ERBB4: variants seen among roughly 807,000 people sequenced by gnomAD.
ERBB4 encodes receptor tyrosine-protein kinase erbB-4.
In ERBB4, 42 loss-of-function variants were observed where a neutral mutation model predicts 158.0. The observed-to-expected ratio is 0.27, with a 90% CI of 0.21 to 0.34. ERBB4 has a LOEUF of 0.34. ERBB4 is among the 10% of genes least tolerant of loss of function. ERBB4 has a pLI of 1.00. For missense variants in ERBB4, 1,333 were observed against 1,624.1 expected (o/e 0.82, Z 3.08); for synonymous variants, 583 against 558.7 (o/e 1.04, Z -0.61).
At chr2:212,337,954 A>G (rs1280716184) in intron 1 of ERBB4, among the ~76,000 whole-genome samples, 2 of 152,068 alleles carry the variant, frequency 1.3e-5, no homozygotes, top group Non-Finnish European at 2.9e-5. Flanking sequence ...TTATCTTTCA[A>G]AGCAGACACT....
intron 1 of ERBB4, among the ~76,000 whole-genome samples, chr2:212,311,019 G>A (rs1050839552): frequency 6.6e-6 from 1 of 150,674 alleles, no homozygotes; most frequent in African/African-American, 2.4e-5. Context: ...CACATTTCAA[G>A]TGCTCGATAG....
chr2:212,507,906 C>T (rs923540718), intron 1 of ERBB4, among the ~76,000 whole-genome samples: 4 of 152,074 alleles, frequency 2.6e-5, no homozygotes, highest in Admixed American at 6.6e-5. Flanking sequence ...GCGTAAAATG[C>T]TACAAAACAG....
intron 1 of ERBB4, among the ~76,000 whole-genome samples, chr2:212,386,488 C>T (rs559484995): frequency 2.7e-5 from 4 of 150,162 alleles, no homozygotes; most frequent in Non-Finnish European, 4.4e-5. Context: ...TACATATGAA[C>T]AATTAGAAAG....
intron 20 of ERBB4, among the ~76,000 whole-genome samples, chr2:211,454,661 CA>C (rs1292309854): frequency 1.3e-5 from 2 of 152,230 alleles, no homozygotes; most frequent in East Asian, 1.9e-4. Context: ...AGATGTCAGT[CA>C]GGGGGTTATT....
At chr2:211,539,732 C>G (rs867973846) in intron 20 of ERBB4, among the ~76,000 whole-genome samples, 1 of 151,924 alleles carries the variant, frequency 6.6e-6, no homozygotes. Flanking sequence ...TTTAACCTTT[C>G]CAGTGTGAAT....
intron 1 of ERBB4, among the ~76,000 whole-genome samples, chr2:212,387,871 C>A (rs1014240052): frequency 6.6e-6 from 1 of 152,008 alleles, no homozygotes; most frequent in African/African-American, 2.4e-5. Flanking sequence ...AGATGATTAA[C>A]GGCAAAGATG....
chr2:211,924,526 AT>A (rs939948160), intron 3 of ERBB4, among the ~76,000 whole-genome samples: 11 of 152,088 alleles, frequency 7.2e-5, no homozygotes, highest in African/African-American at 2.4e-4. Context: ...TCTGTATAAT[AT>A]TTTTTTCATC....
intron 1 of ERBB4, among the ~76,000 whole-genome samples, chr2:212,181,482 A>G (rs2081862442): frequency 6.6e-6 from 1 of 151,692 alleles, no homozygotes; most frequent in African/African-American, 2.4e-5. Flanking sequence ...AATAATTTCA[A>G]TATGAAAATT....
chr2:212,432,923 A>G (rs1404744685), intron 1 of ERBB4, among the ~76,000 whole-genome samples: 2 of 152,060 alleles, frequency 1.3e-5, no homozygotes, highest in Non-Finnish European at 2.9e-5. Flanking sequence ...TCGAAGTCTG[A>G]TGATACAGTG....
chr2:211,682,050 T>TCACACACACACA (rs60803024), intron 12 of ERBB4, among the ~76,000 whole-genome samples: 264 of 134,482 alleles, frequency 2.0e-3, no homozygotes, highest in African/African-American at 5.6e-3. Flanking sequence ...TTTATACACA[T>TCACACACACACA]CACACACACA....
chr2:211,619,397 G>T, intron 18 of ERBB4, 122 bp from the exon 19 acceptor site: 2 of 655,144 alleles, frequency 3.1e-6, no homozygotes, highest in Non-Finnish European at 2.7e-6. Flanking sequence ...CCTGTTACAT[G>T]TTACAAGTTA....
At chr2:211,944,871 T>C (rs954132424) in intron 3 of ERBB4, among the ~76,000 whole-genome samples, 2 of 152,070 alleles carry the variant, frequency 1.3e-5, no homozygotes, top group African/African-American at 4.8e-5. Context: ...CCATTAAGAA[T>C]GGAGTTAAAA....
At chr2:211,430,139 A>T (rs938573662) in intron 21 of ERBB4, among the ~76,000 whole-genome samples, 5 of 152,206 alleles carry the variant, frequency 3.3e-5, no homozygotes, top group Non-Finnish European at 7.3e-5. Flanking sequence ...CCCATATGAT[A>T]AATAAGGCAT....
chr2:211,996,356 G>T (rs2082200270), intron 2 of ERBB4, among the ~76,000 whole-genome samples: 1 of 151,316 alleles, frequency 6.6e-6, no homozygotes, highest in African/African-American at 2.4e-5. Flanking sequence ...ATTGATACTA[G>T]AACATGTTTC....
chr2:211,623,916 A>T lies in ERBB4; in HGVS notation c.2202+6T>A, dbSNP rs75619355. 7.4e-6 allele frequency: 12 copies of T among 1,613,866 alleles called. No individual in the cohort carries two copies. Among genetic ancestry groups the T allele is most frequent in the Non-Finnish European group, 1.0e-5 (12 of 1,179,828 alleles). On this transcript the variant is annotated splice_donor_region_variant and intron_variant, in intron 18 of 27. Transcript: ENST00000342788. Reference sequence around the variant, plus strand: ...TAACTAACGATATGCGTTGTTTTTTACTTACTTTATAAACCGTTCCAAAAG... The same window carrying T: ...TAACTAACGATATGCGTTGTTTTTTTCTTACTTTATAAACCGTTCCAAAAG...
At chr2:211,492,081 A>G (rs1228975630) in intron 20 of ERBB4, among the ~76,000 whole-genome samples, 1 of 151,856 alleles carries the variant, frequency 6.6e-6, no homozygotes, top group East Asian at 1.9e-4. Context: ...AAAAAAAAAA[A>G]GAATTAAGCA....
chr2:212,230,810 G>A (rs751341152), intron 1 of ERBB4, among the ~76,000 whole-genome samples: 2 of 152,218 alleles, frequency 1.3e-5, no homozygotes, highest in Non-Finnish European at 1.5e-5. Context: ...CTAAAGATCA[G>A]CATGATAAAG....
intron 3 of ERBB4, among the ~76,000 whole-genome samples, chr2:211,908,594 C>G (rs1016456940): frequency 5.3e-5 from 8 of 151,662 alleles, no homozygotes; most frequent in African/African-American, 1.7e-4. Flanking sequence ...GCCATGATTC[C>G]GAACACCCAC....
At chr2:211,474,156 T>G (rs189573006) in intron 20 of ERBB4, among the ~76,000 whole-genome samples, 40 of 152,204 alleles carry the variant, frequency 2.6e-4, no homozygotes, top group Admixed American at 2.5e-3. Context: ...TTTTATTATG[T>G]TGCTCCAGGG....
Sources: allele counts gnomAD v4.1 joint callset (sites outside exome capture counted in the v4.1 genomes callset), GRCh38; gene constraint gnomAD v4.1.1; transcripts MANE v1.5; gene names NCBI Gene and HGNC (gene_info 2026-07-23, HGNC 2026-07-21).